IFFO2: variants seen among roughly 807,000 people sequenced by gnomAD.
The protein encoded by IFFO2 is intermediate filament family orphan 2.
IFFO2 carries 19 observed loss-of-function variants against 53.5 expected under a neutral mutation model. That is an observed-to-expected ratio of 0.36 (90% CI 0.25 to 0.52). The LOEUF is 0.52. IFFO2 is among the 20% of genes least tolerant of loss of function. The pLI, the probability that IFFO2 is intolerant of heterozygous loss-of-function variation, is 0.94. For synonymous variants in IFFO2, 303 were observed against 313.6 expected, an observed-to-expected ratio of 0.97 and a Z score of 0.36; for missense variants, 570 against 727.4, an observed-to-expected ratio of 0.78 and a Z score of 2.49.
At chr1:18,921,659 C>G (rs1053265281) in intron 1 of IFFO2, among the ~76,000 whole-genome samples, 1 of 152,192 alleles carries the variant, frequency 6.6e-6, no homozygotes, top group Admixed American at 6.5e-5. Flanking sequence ...AACTGAGGCT[C>G]GGAGAGGTTA....
In IFFO2 at chr1:18,913,726, C is replaced by T. The variant is rs1041024502; in HGVS notation, c.1104-1643G>A. On this transcript the variant is annotated intron_variant, in intron 5 of 8. Coordinates refer to ENST00000455833, the MANE Select transcript of IFFO2 (RefSeq NM_001136265.2). ...TGTCCATGGGAAAGGCCCAGGGCCC[C>T]GCCTGGGGTGGGGTCAGGGCGGCCC... is the stretch of plus-strand genomic sequence containing the variant. Among the ~76,000 whole-genome samples the T allele has an allele frequency of 1.1e-4, 16 of 152,296 alleles. No individual in the cohort carries two copies. The East Asian group carries it at 2.5e-3, about 24-fold the overall frequency.
chr1:18,939,120 G>GGAGAGAGGAAGCCACAGGGTGGGT (rs1471459291), intron 1 of IFFO2, among the ~76,000 whole-genome samples: 1 of 152,214 alleles, frequency 6.6e-6, no homozygotes, highest in African/African-American at 2.4e-5. Flanking sequence ...GGAGGCTGTG[G>GGAGAGAGGAAGCCACAGGGTGGGT]GAGAGAGGAA....
At chr1:18,911,609 G>A in intron 6 of IFFO2, 133 bp from the exon 7 acceptor site, 1 of 413,532 alleles carries the variant, frequency 2.4e-6, no homozygotes, top group East Asian at 5.3e-5. Context: ...TATGATCTCG[G>A]CTCACTACAA....
intron 1 of IFFO2, among the ~76,000 whole-genome samples, chr1:18,952,251 C>A (rs753971444): frequency 9.2e-5 from 14 of 152,014 alleles, no homozygotes; most frequent in Non-Finnish European, 1.9e-4. Context: ...GTCCTCATTG[C>A]GGCTTCAGCG....
chr1:18,910,388 C>T lies in IFFO2; in HGVS notation c.1402G>A (p.Val468Met), dbSNP rs755054349. The T allele has an allele frequency of 1.1e-5, 17 of 1,613,740 alleles. No homozygotes were observed. The highest frequency in any genetic ancestry group is 1.4e-5 in the Non-Finnish European group (16 of 1,179,880). The change falls in exon 8 of 9, where the codon GTG becomes ATG. Residue 468 changes from valine to methionine, a missense_variant. Val to Met is a conservative substitution (Grantham distance 21). Transcript: ENST00000455833. ...EMCSMKRGLD[V>M]QMETCRRLIK... ...AGCCGGCGGCAGGTCTCCATCTGCA[C>T]GTCCAGGCCTCGCTTCATGCTGCAC...
At chr1:18,909,300 G>A (rs1297581274) in intron 8 of IFFO2, among the ~76,000 whole-genome samples, 2 of 152,190 alleles carry the variant, frequency 1.3e-5, no homozygotes, top group Admixed American at 6.5e-5. Context: ...TGTGTGGCAG[G>A]CATTCTCCTC....
chr1:18,917,133 GGAT>G lies in IFFO2; in HGVS notation c.964-94_964-92del, dbSNP rs1306517846. On this transcript the variant is annotated intron_variant, in intron 4 of 8. Coordinates refer to ENST00000455833, the MANE Select transcript of IFFO2 (RefSeq NM_001136265.2). The surrounding 1 kb of genome is among the most constrained non-coding windows in gnomAD (Gnocchi z 5.9). ...CTGGGAAGGGAGCCGGCATCTCACA[GGAT>G]GATGAGCGTGACTGGGGCCGGCCAG... 1.3e-5 allele frequency: 18 copies of G among 1,412,074 alleles called. No individual in the cohort carries two copies. The highest frequency in any genetic ancestry group is 1.7e-5 in the Non-Finnish European group (18 of 1,040,742). The allele number at this position is 1,412,074 out of a possible 1,614,324, so 87.5% of individuals were successfully genotyped here.
At position 18,906,898 on chromosome 1, in the gene IFFO2, T is replaced by C. The variant is rs185440477; in HGVS notation, c.*1663A>G. ...ACATCACACATAGTCACTAACACAT[T>C]CTCACGCTCTCTCTCTCTCTCTACA... On this transcript the variant is annotated 3_prime_UTR_variant, in exon 9 of 9. Transcript: ENST00000455833. The C allele has an allele frequency of 1.2e-3, 180 of 151,658 alleles. 1 individual carries two copies. The highest frequency in any genetic ancestry group is 4.2e-3 in the African/African-American group (173 of 41,084). 9.4% of individuals were successfully genotyped at this position (151,658 alleles called of 1,614,324 possible).
chr1:18,911,485 A>T lies in IFFO2; in HGVS notation c.1225-9T>A. On this transcript the variant is annotated splice_polypyrimidine_tract_variant and intron_variant, in intron 6 of 8. Transcript: ENST00000455833. ...CCCAAGTTTTCCTCTTGCTGGGGAA[A>T]TAGAACAAACGGGACAGTTTATTTT... is the stretch of plus-strand genomic sequence containing the variant. 2 of 1,393,518 alleles carry T rather than the reference A, an allele frequency of 1.4e-6. No individual in the cohort carries two copies. Among genetic ancestry groups the T allele is most frequent in the Admixed American group, 2.4e-5 (1 of 41,822 alleles). 86.3% of individuals were successfully genotyped at this position (1,393,518 alleles called of 1,614,324 possible).
At chr1:18,925,618 G>C (rs1372780493) in intron 1 of IFFO2, among the ~76,000 whole-genome samples, 1 of 152,234 alleles carries the variant, frequency 6.6e-6, no homozygotes, top group African/African-American at 2.4e-5. Flanking sequence ...CAGGAGCCGG[G>C]TCTCAGGTCG....
intron 1 of IFFO2, among the ~76,000 whole-genome samples, chr1:18,954,956 AG>A (rs1339121410): frequency 6.6e-6 from 1 of 152,210 alleles, no homozygotes; most frequent in Non-Finnish European, 1.5e-5. Context: ...GAGGGATGAA[AG>A]GAGGCATTTT....
rs1255587375 is a variant in IFFO2, at chr1:18,912,092, G to T, written c.1104-9C>A. ...AGTCAAAGGTCTCCCGCCTGTGGGG[G>T]TGACACCAGAGGGCATGACTGAACA... On this transcript the variant is annotated splice_polypyrimidine_tract_variant and intron_variant, in intron 5 of 8. Transcript: ENST00000455833. 1.3e-6 allele frequency: 2 copies of T among 1,551,584 alleles called. No homozygotes were observed. Among genetic ancestry groups the T allele is most frequent in the Non-Finnish European group, 8.7e-7 (1 of 1,146,864 alleles).
rs891842886 is a variant in IFFO2 at position 18,955,922 on chromosome 1, G to C, written c.411C>G (p.Ala137=). 3.3e-5 allele frequency: 42 copies of C among 1,284,450 alleles called. No homozygotes were observed. The African/African-American group carries it at 6.1e-4, about 19-fold the overall frequency. 79.6% of individuals were successfully genotyped at this position (1,284,450 alleles called of 1,614,324 possible). A position where few individuals can be genotyped will look rare whatever the true frequency, so the allele number is the denominator to read the frequency against. ...CGGGGGGCAGGCCGCCCAGGGCCAC[G>C]GCATTGGCGTTGGCGCCGGCCGCCG... ...SGAAAGANAN[A]VALGGLPPGG... is the part of the protein sequence containing the mutation. Residue 137 remains alanine, a synonymous_variant, in exon 1 of 9, where the codon GCC becomes GCG. Transcript: ENST00000455833.
intron 1 of IFFO2, among the ~76,000 whole-genome samples, chr1:18,930,400 T>A (rs910483257): frequency 3.9e-5 from 6 of 152,160 alleles, no homozygotes; most frequent in Non-Finnish European, 5.9e-5. Flanking sequence ...TTGTTGATAG[T>A]CATGGTAATG....
rs1304662012 is a variant in IFFO2 at position 18,916,463 on chromosome 1, C to T, written c.1103+440G>A. Among the ~76,000 whole-genome samples, 5 of 152,072 alleles carry T rather than the reference C, an allele frequency of 3.3e-5. No homozygotes were observed. Among genetic ancestry groups the T allele is most frequent in the African/African-American group, 1.2e-4 (5 of 41,410 alleles). Reference sequence around the variant, plus strand: ...TGAACATATGAAATTTCCCAAATTACAAATGTTGAAAATGAGTCTTGGCTG... The same window carrying T: ...TGAACATATGAAATTTCCCAAATTATAAATGTTGAAAATGAGTCTTGGCTG... On this transcript the variant is annotated intron_variant, in intron 5 of 8. Coordinates refer to ENST00000455833, the MANE Select transcript of IFFO2 (RefSeq NM_001136265.2). This position sits in a 1 kb window ranked among gnomAD's most constrained non-coding sequence, Gnocchi z 4.3.
rs1262975105 is a variant in IFFO2, at chr1:18,916,895, A to G, written c.1103+8T>C. 6.4e-7 allele frequency: 1 copy of G among 1,551,686 alleles called. No individual in the cohort carries two copies. The highest frequency in any genetic ancestry group is 2.0e-5 in the Admixed American group (1 of 50,998). ...AACGGAGAGTGTGCGGGCCACGGGG[A>G]TACTCACAGCTGGTTAAACATGCGC... is the stretch of plus-strand genomic sequence containing the variant. On this transcript the variant is annotated splice_region_variant and intron_variant, in intron 5 of 8. Transcript: ENST00000455833. The surrounding 1 kb of genome is among the most constrained non-coding windows in gnomAD (Gnocchi z 4.3).
chr1:18,918,872 C>G lies in IFFO2; in HGVS notation c.823-370G>C, dbSNP rs1936173810. On this transcript the variant is annotated intron_variant, in intron 3 of 8. Coordinates refer to ENST00000455833, the MANE Select transcript of IFFO2 (RefSeq NM_001136265.2). This position sits in a 1 kb window ranked among gnomAD's most constrained non-coding sequence, Gnocchi z 5.2. Reference sequence around the variant, plus strand: ...ACCGGCACACCCCACCTGTCCCCCACACAGGCAGCTCTCTCTCCTGGATGC... The same window carrying G: ...ACCGGCACACCCCACCTGTCCCCCAGACAGGCAGCTCTCTCTCCTGGATGC... Among the ~76,000 whole-genome samples the G allele has an allele frequency of 6.6e-6, 1 of 152,158 alleles. No individual in the cohort carries two copies. Among genetic ancestry groups the G allele is most frequent in the Non-Finnish European group, 1.5e-5 (1 of 68,018 alleles).
At chr1:18,925,816 A>ATGGATGGT (rs1936276781) in intron 1 of IFFO2, among the ~76,000 whole-genome samples, 1 of 55,010 alleles carries the variant, frequency 1.8e-5, no homozygotes, top group African/African-American at 7.6e-5. Flanking sequence ...GGTTGGATGG[A>ATGGATGGT]TGGATGGATG....
In IFFO2 at chr1:18,936,483, G is replaced by A. The variant is rs943114477; in HGVS notation, c.666-15362C>T. On this transcript the variant is annotated intron_variant, in intron 1 of 8. Coordinates refer to ENST00000455833, the MANE Select transcript of IFFO2 (RefSeq NM_001136265.2). This position sits in a 1 kb window ranked among gnomAD's most constrained non-coding sequence, Gnocchi z 4.5. The stretch of plus-strand genomic sequence containing the variant: ...GGGCAGCAGGTCTTTGGGCACTCAG[G>A]TCAAGAGGCAGGAGGCCCAGGGGGT... Among the ~76,000 whole-genome samples, 2 of 152,220 alleles carry A rather than the reference G, an allele frequency of 1.3e-5. No individual in the cohort carries two copies. Among genetic ancestry groups the A allele is most frequent in the Admixed American group, 6.5e-5 (1 of 15,288 alleles).
Sources: allele counts gnomAD v4.1 joint callset (sites outside exome capture counted in the v4.1 genomes callset), GRCh38; gene constraint gnomAD v4.1.1; non-coding constraint Gnocchi (gnomAD v3.1); transcripts MANE v1.5; gene names NCBI Gene and HGNC (gene_info 2026-07-23, HGNC 2026-07-21).